GCH1: variants seen among roughly 807,000 people sequenced by gnomAD.
GCH1 encodes GTP cyclohydrolase I.
In GCH1, 5 loss-of-function variants were observed where a neutral mutation model predicts 25.9. That is an observed-to-expected ratio of 0.19 (90% CI 0.10 to 0.41). GCH1 has a LOEUF of 0.41. Among genes scored for constraint, GCH1 ranks in the 10% least tolerant of loss-of-function variants. GCH1 has a pLI of 1.00. For missense variants in GCH1, 261 were observed against 336.5 expected (o/e 0.78, Z 1.75); for synonymous variants, 159 against 129.6 (o/e 1.23, Z -1.54).
intron 3 of GCH1, among the ~76,000 whole-genome samples, chr14:54,848,627 C>T (rs146352660): frequency 0.011 from 1,743 of 152,232 alleles, 56 homozygotes; most frequent in Non-Finnish European, 8.5e-3. Context: ...CCCAACTACA[C>T]GTCTCAGAAC....
At chr14:54,844,164 G>C in intron 5 of GCH1, 21 bp from the exon 6 acceptor site, 2 of 1,574,066 alleles carry the variant, frequency 1.3e-6, no homozygotes, top group Non-Finnish European at 8.7e-7. Context: ...AGGCAACACA[G>C]GTTGTTTAAA....
In GCH1 at chr14:54,843,057, G is replaced by A; in HGVS notation, c.*960C>T. On this transcript the variant is annotated 3_prime_UTR_variant, in exon 6 of 6. Coordinates refer to ENST00000491895, the MANE Select transcript of GCH1 (RefSeq NM_000161.3). ...GTGGAAGCTATGGTTCTGCAGACCTGAAAATGATGGGCACTCTCAAATGTT... is the reference window on the plus strand; with the variant it reads ...GTGGAAGCTATGGTTCTGCAGACCTAAAAATGATGGGCACTCTCAAATGTT... 1 of 1,128,212 alleles carries A rather than the reference G, an allele frequency of 8.9e-7. No individual in the cohort carries two copies. Among genetic ancestry groups the A allele is most frequent in the Non-Finnish European group, 1.4e-6 (1 of 738,076 alleles). The allele number at this position is 1,128,212 out of a possible 1,614,324, so 69.9% of individuals were successfully genotyped here. A position where few individuals can be genotyped will look rare whatever the true frequency, so the allele number is the denominator to read the frequency against.
chr14:54,900,322 G>T (rs2040546204), intron 1 of GCH1, among the ~76,000 whole-genome samples: 1 of 151,332 alleles, frequency 6.6e-6, no homozygotes, highest in East Asian at 1.9e-4. Context: ...TGATTCTCCT[G>T]CCTCAGCCTC....
chr14:54,888,716 G>C (rs2040386902), intron 1 of GCH1, among the ~76,000 whole-genome samples: 1 of 150,682 alleles, frequency 6.6e-6, no homozygotes, highest in African/African-American at 2.4e-5. Context: ...GTAGAGACAG[G>C]GTTTCAGCGT....
intron 1 of GCH1, among the ~76,000 whole-genome samples, chr14:54,896,634 C>T (rs1566684347): frequency 1.3e-5 from 2 of 151,944 alleles, no homozygotes; most frequent in South Asian, 2.1e-4. Context: ...GTTTCTCGGC[C>T]GGGAGCGGTG....
In GCH1 at chr14:54,843,120, A is replaced by G; in HGVS notation, c.*897T>C. The G allele has an allele frequency of 6.6e-7, 1 of 1,506,914 alleles. No individual in the cohort carries two copies. The highest frequency in any genetic ancestry group is 9.0e-7 in the Non-Finnish European group (1 of 1,109,804). The allele number at this position is 1,506,914 out of a possible 1,614,324, so 93.3% of individuals were successfully genotyped here. A position where few individuals can be genotyped will look rare whatever the true frequency, so the allele number is the denominator to read the frequency against. ...TAGAAAAATATCTTATAAGATTAAA[A>G]AAAAGAAGAAGAAGAAACATTTTGA... On this transcript the variant is annotated 3_prime_UTR_variant, in exon 6 of 6. Transcript: ENST00000491895.
At chr14:54,891,650 G>A (rs892110304) in intron 1 of GCH1, among the ~76,000 whole-genome samples, 3 of 152,056 alleles carry the variant, frequency 2.0e-5, no homozygotes, top group Non-Finnish European at 4.4e-5. Flanking sequence ...GCTCAAGTCA[G>A]TGACCTGCCT....
chr14:54,862,870 C>G (rs1031524712), intron 2 of GCH1, among the ~76,000 whole-genome samples: 3 of 151,926 alleles, frequency 2.0e-5, no homozygotes, highest in Admixed American at 6.6e-5. Context: ...GTGGGGCACT[C>G]TGCTGAACAG....
intron 5 of GCH1, among the ~76,000 whole-genome samples, chr14:54,845,484 A>G (rs1308557422): frequency 6.6e-6 from 1 of 151,390 alleles, no homozygotes. Context: ...TCTCAAAAAA[A>G]AAAAAGGCTA....
chr14:54,899,656 A>T (rs1044946643), intron 1 of GCH1, among the ~76,000 whole-genome samples: 15 of 152,046 alleles, frequency 9.9e-5, no homozygotes, highest in African/African-American at 3.4e-4. Flanking sequence ...AATATATATA[A>T]AATTGGTCAT....
chr14:54,855,521 A>AAAAAAAAAAAAC (rs2039797077), intron 3 of GCH1, among the ~76,000 whole-genome samples: 1 of 148,826 alleles, frequency 6.7e-6, no homozygotes, highest in Non-Finnish European at 1.5e-5. Context: ...AAAAAAAAAA[A>AAAAAAAAAAAAC]AAAAAAAAGC....
At chr14:54,849,164 T>C (rs962578387) in intron 3 of GCH1, among the ~76,000 whole-genome samples, 1 of 152,236 alleles carries the variant, frequency 6.6e-6, no homozygotes, top group African/African-American at 2.4e-5. Flanking sequence ...AGGAGGAACA[T>C]TCCCATAGAT....
At chr14:54,848,733 A>G (rs574064675) in intron 3 of GCH1, among the ~76,000 whole-genome samples, 4 of 152,180 alleles carry the variant, frequency 2.6e-5, no homozygotes, top group Non-Finnish European at 5.9e-5. Flanking sequence ...CTGAGGGCAG[A>G]AGCCATCCTA....
rs2040578429 is a variant in GCH1, at chr14:54,902,287, C to G, written c.343+34G>C. The G allele has an allele frequency of 5.6e-6, 9 of 1,605,980 alleles. No homozygotes were observed. In the East Asian group the frequency reaches 2.0e-4, roughly 36 times the overall value. Reference sequence around the variant, plus strand: ...TTTCCTGCAAGCACCGCCCCCGCCGCCCGCACGCTCTAGCAGCCCGCGGGC... The same window carrying G: ...TTTCCTGCAAGCACCGCCCCCGCCGGCCGCACGCTCTAGCAGCCCGCGGGC... On this transcript the variant is annotated intron_variant, in intron 1 of 5. Transcript: ENST00000491895.
intron 2 of GCH1, among the ~76,000 whole-genome samples, chr14:54,863,765 G>C (rs960139569): frequency 5.9e-5 from 9 of 152,126 alleles, no homozygotes; most frequent in African/African-American, 2.2e-4. Context: ...CTGATACAAA[G>C]GATGGATTAG....
intron 1 of GCH1, among the ~76,000 whole-genome samples, chr14:54,882,782 G>C (rs978178555): frequency 3.3e-5 from 5 of 152,172 alleles, no homozygotes; most frequent in African/African-American, 1.2e-4. Flanking sequence ...ATACAGATGG[G>C]TGTGATGGAA....
intron 3 of GCH1, among the ~76,000 whole-genome samples, chr14:54,848,427 G>A (rs2039677409): frequency 6.6e-6 from 1 of 152,108 alleles, no homozygotes; most frequent in South Asian, 2.1e-4. Context: ...GAGCCCCTGT[G>A]CCCAGCCAGA....
intron 1 of GCH1, among the ~76,000 whole-genome samples, chr14:54,868,541 A>G (rs1370586123): frequency 6.6e-6 from 1 of 152,200 alleles, no homozygotes; most frequent in Non-Finnish European, 1.5e-5. Context: ...ATCTGAATAA[A>G]GTCTGTAGTT....
chr14:54,897,797 T>G (rs2040509113), intron 1 of GCH1, among the ~76,000 whole-genome samples: 1 of 152,208 alleles, frequency 6.6e-6, no homozygotes, highest in African/African-American at 2.4e-5. Context: ...AATGTTTACT[T>G]GAAAACTGGA....
Sources: allele counts gnomAD v4.1 joint callset (sites outside exome capture counted in the v4.1 genomes callset), GRCh38; gene constraint gnomAD v4.1.1; transcripts MANE v1.5; gene names NCBI Gene and HGNC (gene_info 2026-07-23, HGNC 2026-07-21).